Variants in EPB41L4A observed in about 807,000 individuals in gnomAD.
The protein encoded by EPB41L4A is band 4.1-like protein 4A.
In EPB41L4A, 100 loss-of-function variants were observed where a neutral mutation model predicts 108.6. The ratio of observed to expected loss-of-function variants is 0.92; its 90% confidence interval spans 0.78 to 1.09. EPB41L4A has a LOEUF of 1.09. EPB41L4A is among the 50% of genes least tolerant of loss of function. The probability of loss-of-function intolerance (pLI) is 0.00; values close to 1 mark genes in which losing one functional copy is unlikely to be tolerated. For synonymous variants in EPB41L4A, 319 were observed against 289.0 expected (o/e 1.10, Z -1.05); for missense variants, 1,030 against 842.7 (o/e 1.22, Z -2.75).
intron 18 of EPB41L4A, among the ~76,000 whole-genome samples, chr5:112,182,455 G>A (rs1426171599): frequency 6.6e-6 from 1 of 152,050 alleles, no homozygotes; most frequent in South Asian, 2.1e-4. Context: ...TTGCCTCCAG[G>A]AATGTTTTTT....
chr5:112,297,681 G>C (rs1754087244), intron 2 of EPB41L4A, among the ~76,000 whole-genome samples: 1 of 151,988 alleles, frequency 6.6e-6, no homozygotes, highest in East Asian at 1.9e-4. Context: ...ATTTGCTTTT[G>C]GGTTCTTGGT....
At chr5:112,208,471 C>G (rs1762576608) in intron 13 of EPB41L4A, among the ~76,000 whole-genome samples, 1 of 152,036 alleles carries the variant, frequency 6.6e-6, no homozygotes, top group East Asian at 1.9e-4. Flanking sequence ...TTAATTAACA[C>G]AGAAACAGAA....
intron 1 of EPB41L4A, among the ~76,000 whole-genome samples, chr5:112,385,901 T>C (rs1230316380): frequency 1.3e-5 from 2 of 152,264 alleles, no homozygotes; most frequent in African/African-American, 2.4e-5. Flanking sequence ...ACTGAATTAC[T>C]TGAAACTAGG....
Position 112,168,831 on chromosome 5 carries a change from TGA to T in EPB41L4A, c.1851-13_1851-12del. 6.2e-7 allele frequency: 1 copy of T among 1,610,094 alleles called. No homozygotes were observed. The highest frequency in any genetic ancestry group is 8.5e-7 in the Non-Finnish European group (1 of 1,176,382). On this transcript the variant is annotated splice_polypyrimidine_tract_variant and intron_variant, in intron 21 of 22. Coordinates refer to ENST00000261486, the MANE Select transcript of EPB41L4A (RefSeq NM_022140.5). ...AGATCTGTTTTTGAACTGCAGAGAA[TGA>T]GTTTTAGAATTAGTGACTGGAACAG...
chr5:112,418,053 G>T (rs1270253075), intron 1 of EPB41L4A, among the ~76,000 whole-genome samples: 1 of 150,294 alleles, frequency 6.7e-6, no homozygotes, highest in Non-Finnish European at 1.5e-5. Context: ...CGGGGGCGGG[G>T]GGGCGGTTTC....
chr5:112,288,823 T>A (rs1222279475), intron 2 of EPB41L4A, among the ~76,000 whole-genome samples: 1 of 151,770 alleles, frequency 6.6e-6, no homozygotes, highest in African/African-American at 2.4e-5. Context: ...TTAGAGGAGA[T>A]GATATATCTT....
intron 2 of EPB41L4A, among the ~76,000 whole-genome samples, chr5:112,296,840 C>G (rs754959005): frequency 3.3e-5 from 5 of 152,096 alleles, no homozygotes; most frequent in African/African-American, 1.2e-4. Context: ...CCCCCACTTA[C>G]GAGTGAGAAC....
intron 1 of EPB41L4A, among the ~76,000 whole-genome samples, chr5:112,409,765 C>A (rs987076644): frequency 6.6e-6 from 1 of 152,162 alleles, no homozygotes; most frequent in Admixed American, 6.5e-5. Context: ...CTACCACTCA[C>A]CGGGAAAGGA....
intron 2 of EPB41L4A, among the ~76,000 whole-genome samples, chr5:112,295,290 T>C (rs1439233964): frequency 6.6e-6 from 1 of 152,206 alleles, no homozygotes; most frequent in African/African-American, 2.4e-5. Context: ...GCTTGAGCAA[T>C]TGGGTAGATG....
At chr5:112,410,371 C>A (rs762482426) in intron 1 of EPB41L4A, among the ~76,000 whole-genome samples, 2 of 152,130 alleles carry the variant, frequency 1.3e-5, no homozygotes, top group Non-Finnish European at 2.9e-5. Context: ...AAAGAGCACT[C>A]TAGATGCAGG....
intron 18 of EPB41L4A, among the ~76,000 whole-genome samples, chr5:112,174,575 T>C (rs1298431316): frequency 1.3e-5 from 2 of 152,198 alleles, no homozygotes; most frequent in African/African-American, 2.4e-5. Context: ...CACTTTCCCT[T>C]ATTCCAAAAC....
intron 1 of EPB41L4A, among the ~76,000 whole-genome samples, chr5:112,361,707 A>T (rs1758773319): frequency 1.3e-5 from 1 of 76,116 alleles, no homozygotes; most frequent in African/African-American, 4.3e-5. Context: ...AAATGCTAAA[A>T]AAAAATAATA....
intron 12 of EPB41L4A, among the ~76,000 whole-genome samples, chr5:112,231,566 A>G (rs557263970): frequency 6.6e-6 from 1 of 150,494 alleles, no homozygotes; most frequent in African/African-American, 2.4e-5. Context: ...CGGGTGGATC[A>G]TGAGGTCAGG....
At chr5:112,198,465 C>T (rs185695948) in intron 15 of EPB41L4A, among the ~76,000 whole-genome samples, 200 of 152,274 alleles carry the variant, frequency 1.3e-3, no homozygotes, top group African/African-American at 3.8e-3. Flanking sequence ...AATGAACCTT[C>T]GAATGAATCT....
chr5:112,289,601 C>T (rs1168303382), intron 2 of EPB41L4A, among the ~76,000 whole-genome samples: 1 of 152,202 alleles, frequency 6.6e-6, no homozygotes, highest in Non-Finnish European at 1.5e-5. Context: ...CCTCCCTTTG[C>T]CCTCTGGATG....
intron 12 of EPB41L4A, among the ~76,000 whole-genome samples, chr5:112,230,011 T>G (rs1363722065): frequency 6.9e-6 from 1 of 145,650 alleles, no homozygotes; most frequent in Admixed American, 6.8e-5. Context: ...AAAAGAATAA[T>G]GGTCTCCAAC....
At chr5:112,151,227 A>C (rs1759452825) in intron 12 of EPB41L4A, among the ~76,000 whole-genome samples, 1 of 152,134 alleles carries the variant, frequency 6.6e-6, no homozygotes, top group Non-Finnish European at 1.5e-5. Context: ...TTTAATGACT[A>C]TAAATCGATA....
chr5:112,176,015 T>C (rs1382936487), intron 18 of EPB41L4A, among the ~76,000 whole-genome samples: 1 of 151,910 alleles, frequency 6.6e-6, no homozygotes, highest in Non-Finnish European at 1.5e-5. Flanking sequence ...TTTTGTGAGT[T>C]GCCTTATCTA....
At chr5:112,215,533 C>T (rs1747562147) in intron 12 of EPB41L4A, among the ~76,000 whole-genome samples, 1 of 152,148 alleles carries the variant, frequency 6.6e-6, no homozygotes, top group African/African-American at 2.4e-5. Context: ...GAGGCCAAGG[C>T]GGGCGGATCA....
Sources: allele counts gnomAD v4.1 joint callset (sites outside exome capture counted in the v4.1 genomes callset), GRCh38; gene constraint gnomAD v4.1.1; transcripts MANE v1.5; gene names NCBI Gene and HGNC (gene_info 2026-07-23, HGNC 2026-07-21).